NANOS3: variants seen among roughly 807,000 people sequenced by gnomAD.
NANOS3 encodes nanos homolog 3.
NANOS3 carries 11 observed loss-of-function variants against 13.8 expected under a neutral mutation model. The observed-to-expected ratio is 0.80, with a 90% CI of 0.50 to 1.32. The LOEUF (loss-of-function observed/expected upper bound fraction) is 1.32, where lower values mean the gene tolerates loss of function less well. Ranked by LOEUF, NANOS3 falls within the 40% of genes most tolerant of loss-of-function variation. The pLI, the probability that NANOS3 is intolerant of heterozygous loss-of-function variation, is 0.00. For missense variants in NANOS3, 221 were observed against 263.8 expected (o/e 0.84, Z 1.12); for synonymous variants, 119 against 115.4 (o/e 1.03, Z -0.20).
upstream of NANOS3, among the ~76,000 whole-genome samples, chr19:13,875,968 C>T (rs1242579825): frequency 6.6e-6 from 1 of 152,140 alleles, no homozygotes; most frequent in African/African-American, 2.4e-5. Context: ...ACACTGAAGA[C>T]CTGTAGGTAC....
chr19:13,872,421 C>T (rs953668204), upstream of NANOS3, among the ~76,000 whole-genome samples: 1 of 151,744 alleles, frequency 6.6e-6, no homozygotes, highest in Non-Finnish European at 1.5e-5. Flanking sequence ...AACTTCTGGG[C>T]TCCAGCCATC....
chr19:13,877,431 G>C lies in NANOS3; in HGVS notation c.183G>C (p.Lys61Asn). The part of the protein sequence containing the change: ...APESVPVPGP[K>N]DQKRSLESSP... Reference sequence around the variant, plus strand: ...AGTCGGTGCCAGTGCCGGGACCCAAGGATCAGAAGCGCAGCCTGGAGTCCT... The same window carrying C: ...AGTCGGTGCCAGTGCCGGGACCCAACGATCAGAAGCGCAGCCTGGAGTCCT... Residue 61 changes from lysine to asparagine, a missense_variant, in exon 1 of 2, where the codon AAG (lysine) becomes AAC (asparagine). Coordinates refer to ENST00000339133, the MANE Select transcript of NANOS3 (RefSeq NM_001098622.3). 6.2e-7 allele frequency: 1 copy of C among 1,612,260 alleles called. No homozygotes were observed. Among genetic ancestry groups the C allele is most frequent in the Non-Finnish European group, 8.5e-7 (1 of 1,179,970 alleles).
intron 1 of NANOS3, among the ~76,000 whole-genome samples, chr19:13,871,180 G>T (rs192970977): frequency 6.6e-6 from 1 of 152,112 alleles, no homozygotes; most frequent in Non-Finnish European, 1.5e-5. Flanking sequence ...GACAGGAGGG[G>T]ACAGGTATCA....
upstream of NANOS3, among the ~76,000 whole-genome samples, chr19:13,873,770 A>G (rs1482078510): frequency 2.0e-5 from 3 of 151,988 alleles, no homozygotes; most frequent in African/African-American, 7.2e-5. Flanking sequence ...GCACCCGGCC[A>G]TGCCGGGTGC....
intron 1 of NANOS3, among the ~76,000 whole-genome samples, chr19:13,866,351 C>T (rs1465272928): frequency 6.6e-6 from 1 of 151,864 alleles, no homozygotes; most frequent in Admixed American, 6.6e-5. Flanking sequence ...GTTCCCCTCC[C>T]CCCATCTCTT....
intron 1 of NANOS3, among the ~76,000 whole-genome samples, chr19:13,870,682 C>T (rs1976314025): frequency 1.3e-5 from 2 of 150,844 alleles, no homozygotes; most frequent in Non-Finnish European, 2.9e-5. Flanking sequence ...ATTCTCGTGC[C>T]TCAGCCTCCC....
At chr19:13,864,978 G>A (rs972483171), upstream of NANOS3, among the ~76,000 whole-genome samples, 33 of 152,044 alleles carry the variant, frequency 2.2e-4, no homozygotes, top group African/African-American at 7.0e-4. Flanking sequence ...GCTCCCCCCG[G>A]CGCCTTTGAG....
At chr19:13,878,577 A>G (rs1968566748) in intron 1 of NANOS3, among the ~76,000 whole-genome samples, 1 of 147,676 alleles carries the variant, frequency 6.8e-6, no homozygotes, top group Admixed American at 6.7e-5. Flanking sequence ...CTTTTATTTT[A>G]TTTATTTATC....
intron 1 of NANOS3, among the ~76,000 whole-genome samples, chr19:13,869,788 ACACG>A (rs1418118953): frequency 1.3e-5 from 2 of 151,250 alleles, no homozygotes; most frequent in East Asian, 3.9e-4. Flanking sequence ...ACACACACAC[ACACG>A]CACACACATA....
upstream of NANOS3, among the ~76,000 whole-genome samples, chr19:13,864,154 C>T (rs566309582): frequency 9.9e-5 from 15 of 152,078 alleles, no homozygotes; most frequent in South Asian, 2.9e-3. Context: ...GTGTGTGGAG[C>T]CTCAGCCAGG....
In NANOS3 at chr19:13,877,474, C is replaced by T. The variant is rs1206399894; in HGVS notation, c.226C>T (p.Leu76=). The change falls in exon 1 of 2, where the codon CTG becomes TTG. Residue 76 remains leucine (L), a synonymous_variant. Coordinates refer to ENST00000339133, the MANE Select transcript of NANOS3 (RefSeq NM_001098622.3). ...GGAGTCCTCGCCAGCTCCCGAACGC[C>T]TGTGCTCTTTCTGCAAACACAACGG... ...SLESSPAPER[L]CSFCKHNGES... 5.2e-5 allele frequency: 83 copies of T among 1,611,578 alleles called. No homozygotes were observed. The highest frequency in any genetic ancestry group is 6.9e-5 in the Non-Finnish European group (81 of 1,179,990).
chr19:13,878,616 A>AAT (rs1968567906), intron 1 of NANOS3, among the ~76,000 whole-genome samples: 2 of 138,634 alleles, frequency 1.4e-5, no homozygotes, highest in African/African-American at 5.3e-5. Flanking sequence ...TTTTTTTTTA[A>AAT]TTTTTTTTTT....
chr19:13,872,509 G>A (rs1256976341), upstream of NANOS3, among the ~76,000 whole-genome samples: 1 of 152,202 alleles, frequency 6.6e-6, no homozygotes, highest in African/African-American at 2.4e-5. Flanking sequence ...GACTAACAGA[G>A]CCACTTACCT....
At chr19:13,863,386 T>A (rs192633352), upstream of NANOS3, among the ~76,000 whole-genome samples, 15 of 152,202 alleles carry the variant, frequency 9.9e-5, no homozygotes, top group South Asian at 6.2e-4. Context: ...ATTTTTTTTT[T>A]AATTTTATTT....
upstream of NANOS3, among the ~76,000 whole-genome samples, chr19:13,875,431 C>A (rs970036301): frequency 6.6e-6 from 1 of 152,064 alleles, no homozygotes; most frequent in African/African-American, 2.4e-5. Flanking sequence ...AAGTAATCCT[C>A]CCCCCTCGGC....
chr19:13,875,204 T>A (rs76332045), upstream of NANOS3, among the ~76,000 whole-genome samples: 23 of 150,010 alleles, frequency 1.5e-4, no homozygotes, highest in East Asian at 3.5e-3. Flanking sequence ...TTTTTTTTTT[T>A]AAGACAGAGT....
chr19:13,862,110 C>G (rs115721056), upstream of NANOS3: 1,412 of 152,518 alleles, frequency 9.3e-3, 25 homozygotes, highest in African/African-American at 0.032. Flanking sequence ...CTCTCCTGGT[C>G]TGACCCAGTT....
At chr19:13,863,197 GA>G (rs1976182546), upstream of NANOS3, among the ~76,000 whole-genome samples, 1 of 151,708 alleles carries the variant, frequency 6.6e-6, no homozygotes, top group Non-Finnish European at 1.5e-5. Context: ...TCTAAGAGAG[GA>G]ACTCTTTCCC....
At chr19:13,862,685 C>T (rs896712109), upstream of NANOS3, among the ~76,000 whole-genome samples, 7 of 152,148 alleles carry the variant, frequency 4.6e-5, no homozygotes, top group Non-Finnish European at 1.0e-4. Context: ...ATTATAGGCG[C>T]GTGCCACCAC....
Sources: allele counts gnomAD v4.1 joint callset (sites outside exome capture counted in the v4.1 genomes callset), GRCh38; gene constraint gnomAD v4.1.1; transcripts MANE v1.5; gene names NCBI Gene and HGNC (gene_info 2026-07-23, HGNC 2026-07-21).